TMEM132B: variants seen among roughly 807,000 people sequenced by gnomAD.
TMEM132B encodes transmembrane protein 132B.
TMEM132B carries 18 observed loss-of-function variants against 90.8 expected under a neutral mutation model. That is an observed-to-expected ratio of 0.20 (90% CI 0.14 to 0.29). The LOEUF is 0.29. Among genes scored for constraint, TMEM132B ranks in the 10% least tolerant of loss-of-function variants. TMEM132B has a pLI of 1.00. For missense variants in TMEM132B, 1,096 were observed against 1,326.8 expected (o/e 0.83, Z 2.70); for synonymous variants, 504 against 523.3 (o/e 0.96, Z 0.50).
At chr12:125,485,661 T>C (rs60924208) in intron 3 of TMEM132B, among the ~76,000 whole-genome samples, 3,688 of 152,288 alleles carry the variant, frequency 0.024, 154 homozygotes, top group African/African-American at 0.084. Context: ...TTTAGAGCTC[T>C]TTGAAGTTAC....
Position 125,350,083 on chromosome 12 carries a change from C to A in TMEM132B, c.699C>A (p.Gly233=). 6.2e-7 allele frequency: 1 copy of A among 1,614,228 alleles called. No homozygotes were observed. Among genetic ancestry groups the A allele is most frequent in the Non-Finnish European group, 8.5e-7 (1 of 1,180,046 alleles). The stretch of plus-strand genomic sequence containing the variant: ...CGCTCTACCCAGCTGACAAGGCTGG[C>A]CAGTGTCCTCTGGAGGAGGAAGGCA... ...FFTLYPADKA[G]QCPLEEEGKW... Residue 233 remains glycine (G), a synonymous_variant, in exon 2 of 9, where the codon GGC becomes GGA. Coordinates refer to ENST00000682704, the MANE Select transcript of TMEM132B (RefSeq NM_001366854.1).
chr12:125,390,512 A>G (rs764755413), intron 2 of TMEM132B, among the ~76,000 whole-genome samples: 12 of 152,142 alleles, frequency 7.9e-5, no homozygotes, highest in Non-Finnish European at 1.6e-4. Context: ...TGAGTTCTCC[A>G]CTCTGAATGT....
At chr12:125,520,388 T>C (rs1883277489) in intron 4 of TMEM132B, among the ~76,000 whole-genome samples, 1 of 152,216 alleles carries the variant, frequency 6.6e-6, no homozygotes, top group African/African-American at 2.4e-5. Context: ...GGGATCCATG[T>C]CCAGATACTC....
intron 5 of TMEM132B, among the ~76,000 whole-genome samples, chr12:125,604,896 A>T (rs1387882902): frequency 6.6e-6 from 1 of 152,218 alleles, no homozygotes; most frequent in Non-Finnish European, 1.5e-5. Flanking sequence ...TCCATGAGGG[A>T]GATTCTATGA....
chr12:125,465,722 T>C (rs188995574), intron 3 of TMEM132B, among the ~76,000 whole-genome samples: 1 of 152,382 alleles, frequency 6.6e-6, no homozygotes, highest in Admixed American at 6.5e-5. Context: ...ATAGGCCATC[T>C]GGTCAATACA....
Position 125,315,425 on chromosome 12 carries a change from C to T in TMEM132B, c.68-34027C>T, listed in dbSNP as rs533696966. Among the ~76,000 whole-genome samples, 12 of 152,330 alleles carry T rather than the reference C, an allele frequency of 7.9e-5. No individual in the cohort carries two copies. The East Asian group carries it at 1.7e-3, about 22-fold the overall frequency. The stretch of plus-strand genomic sequence containing the variant: ...TGTTGGCCAAGCTGGTCTCGAACTC[C>T]TGACCTCAAGTGATCCGCCTGCCTC... On this transcript the variant is annotated intron_variant, in intron 1 of 8. Transcript: ENST00000682704.
At chr12:125,483,835 C>T (rs919881150) in intron 3 of TMEM132B, among the ~76,000 whole-genome samples, 19 of 152,170 alleles carry the variant, frequency 1.2e-4, no homozygotes, top group Admixed American at 1.2e-3. Context: ...GAAACTCAGT[C>T]TATCAAAAGA....
rs547897736 is a variant in TMEM132B, at chr12:125,531,554, C to T, written c.1293+11929C>T. 2.4e-4 allele frequency among the ~76,000 whole-genome samples: 37 copies of T among 152,178 alleles called. 1 individual carries two copies. Among genetic ancestry groups the T allele is most frequent in the South Asian group, 6.2e-4 (3 of 4,828 alleles). ...TGGAAGGTCTGTGTTTCTCCCCCTT[C>T]CCACAAAACTACAAGTTTGTCAGTA... On this transcript the variant is annotated intron_variant, in intron 4 of 8. Coordinates refer to ENST00000682704, the MANE Select transcript of TMEM132B (RefSeq NM_001366854.1).
At position 125,661,558 on chromosome 12, in the gene TMEM132B, A is replaced by T. The variant is rs1887206283; in HGVS notation, c.*6848A>T. Reference sequence around the variant, plus strand: ...CATGGAGGGACTTGATTGCCAAGTGACTTCCTTTCTGTAGTTATCCTCTGC... The same window carrying T: ...CATGGAGGGACTTGATTGCCAAGTGTCTTCCTTTCTGTAGTTATCCTCTGC... On this transcript the variant is annotated 3_prime_UTR_variant, in exon 9 of 9. Coordinates refer to ENST00000682704, the MANE Select transcript of TMEM132B (RefSeq NM_001366854.1). The T allele has an allele frequency of 6.6e-6, 1 of 152,200 alleles. No individual in the cohort carries two copies. Among genetic ancestry groups the T allele is most frequent in the Non-Finnish European group, 1.5e-5 (1 of 68,044 alleles). The allele number at this position is 152,200 out of a possible 1,614,324, so 9.4% of individuals were successfully genotyped here. A position where few individuals can be genotyped will look rare whatever the true frequency, so the allele number is the denominator to read the frequency against.
chr12:125,415,419 G>A lies in TMEM132B; in HGVS notation c.960-112G>A. 3 of 1,324,692 alleles carry A rather than the reference G, an allele frequency of 2.3e-6. No individual in the cohort carries two copies. The African/African-American group carries it at 4.4e-5, about 20-fold the overall frequency. The allele number at this position is 1,324,692 out of a possible 1,614,324, so 82.1% of individuals were successfully genotyped here. A position where few individuals can be genotyped will look rare whatever the true frequency, so the allele number is the denominator to read the frequency against. On this transcript the variant is annotated intron_variant, in intron 2 of 8. Coordinates refer to ENST00000682704, the MANE Select transcript of TMEM132B (RefSeq NM_001366854.1). This position sits in a 1 kb window ranked among gnomAD's most constrained non-coding sequence, Gnocchi z 5.3. Reference sequence around the variant, plus strand: ...TCCCCCACATCTCCCAGAGGAAGGGGGCGATGTTACAGATGCTTTCCCAGT... The same window carrying A: ...TCCCCCACATCTCCCAGAGGAAGGGAGCGATGTTACAGATGCTTTCCCAGT...
chr12:125,352,437 A>G (rs1846646), intron 2 of TMEM132B, among the ~76,000 whole-genome samples: 3 of 152,152 alleles, frequency 2.0e-5, no homozygotes, highest in East Asian at 1.9e-4. Flanking sequence ...ACAAAAATGG[A>G]TATCAGTAGG....
chr12:125,438,044 C>A (rs532124886), intron 3 of TMEM132B, among the ~76,000 whole-genome samples: 3 of 152,260 alleles, frequency 2.0e-5, no homozygotes, highest in East Asian at 3.9e-4. Context: ...TGCTTTATGG[C>A]CACTTTAAGG....
At chr12:125,477,358 TA>T (rs1881910269) in intron 3 of TMEM132B, among the ~76,000 whole-genome samples, 1 of 152,226 alleles carries the variant, frequency 6.6e-6, no homozygotes, top group Non-Finnish European at 1.5e-5. Flanking sequence ...GACAGCCAAG[TA>T]ATGTAATTAT....
intron 1 of TMEM132B, among the ~76,000 whole-genome samples, chr12:125,270,978 C>G (rs1043615641): frequency 1.3e-5 from 2 of 149,822 alleles, no homozygotes; most frequent in African/African-American, 4.9e-5. Flanking sequence ...AGAGATAGGG[C>G]CTTGCTTTAT....
chr12:125,369,140 C>T (rs1043698131), intron 2 of TMEM132B, among the ~76,000 whole-genome samples: 10 of 152,034 alleles, frequency 6.6e-5, no homozygotes, highest in Admixed American at 1.3e-4. Flanking sequence ...TCTGTACTTG[C>T]GATAGTTTGC....
At chr12:125,437,081 A>G (rs1880729314) in intron 3 of TMEM132B, among the ~76,000 whole-genome samples, 2 of 152,178 alleles carry the variant, frequency 1.3e-5, no homozygotes, top group East Asian at 1.9e-4. Flanking sequence ...GAGCTTCTAC[A>G]AAAGAGAGAG....
At chr12:125,535,850 A>G (rs918023428) in intron 4 of TMEM132B, among the ~76,000 whole-genome samples, 2 of 152,204 alleles carry the variant, frequency 1.3e-5, no homozygotes, top group African/African-American at 2.4e-5. Flanking sequence ...TTGCAGATAG[A>G]GTAAATTTCT....
intron 1 of TMEM132B, among the ~76,000 whole-genome samples, chr12:125,237,520 C>G (rs1443294972): frequency 6.6e-6 from 1 of 152,202 alleles, no homozygotes; most frequent in Non-Finnish European, 1.5e-5. Flanking sequence ...GTGATCTCTG[C>G]TCATTGCAAC....
Position 125,407,575 on chromosome 12 carries a change from T to C in TMEM132B, c.960-7956T>C, listed in dbSNP as rs1879537265. 6.6e-6 allele frequency among the ~76,000 whole-genome samples: 1 copy of C among 152,204 alleles called. No individual in the cohort carries two copies. The highest frequency in any genetic ancestry group is 2.4e-5 in the African/African-American group (1 of 41,454). ...GGAGTCCAGTTGTCTTTCTTTTGAC[T>C]TATCTACAGCAGCTAGAATGTCTCT... On this transcript the variant is annotated intron_variant, in intron 2 of 8. Transcript: ENST00000682704. This position sits in a 1 kb window ranked among gnomAD's most constrained non-coding sequence, Gnocchi z 6.7.
Sources: gnomAD v4.1 joint callset for allele counts (sites outside exome capture counted in the v4.1 genomes callset) on GRCh38, gnomAD v4.1.1 for gene constraint, Gnocchi (gnomAD v3.1) non-coding constraint, MANE v1.5 for transcripts, NCBI Gene and HGNC (gene_info 2026-07-23, HGNC 2026-07-21) for gene names.